Variants in WWOX observed in about 807,000 individuals in gnomAD.
WWOX encodes WW domain-containing oxidoreductase.
A neutral mutation model predicts 46.2 loss-of-function variants in WWOX; 69 were observed. The observed-to-expected ratio is 1.49, with a 90% CI of 1.23 to 1.82. WWOX has a LOEUF of 1.82. Ranked by LOEUF, WWOX falls within the 40% of genes most tolerant of loss-of-function variation. WWOX has a pLI of 0.00. For missense variants in WWOX, 919 were observed against 542.6 expected (o/e 1.69, Z -6.89); for synonymous variants, 359 against 202.6 (o/e 1.77, Z -6.56).
chr16:78,263,227 C>T (rs1036267372), intron 5 of WWOX, among the ~76,000 whole-genome samples: 1 of 152,168 alleles, frequency 6.6e-6, no homozygotes, highest in Admixed American at 6.5e-5. Context: ...GACTTCCTCT[C>T]AAAGAAATAA....
At chr16:78,848,429 A>C (rs60440984) in intron 8 of WWOX, among the ~76,000 whole-genome samples, 2,185 of 152,270 alleles carry the variant, frequency 0.014, 55 homozygotes, top group African/African-American at 0.05. Flanking sequence ...ACCACTGTTA[A>C]AATGTAAGGC....
chr16:78,314,701 G>GTTTTTTTT (rs920575863), intron 5 of WWOX, among the ~76,000 whole-genome samples: 16 of 61,304 alleles, frequency 2.6e-4, no homozygotes, highest in African/African-American at 4.5e-4. Flanking sequence ...TTTTTTTTTT[G>GTTTTTTTT]TTTTTTTTTT....
chr16:79,149,251 T>C (rs1314008610), intron 8 of WWOX, among the ~76,000 whole-genome samples: 6 of 152,218 alleles, frequency 3.9e-5, no homozygotes, highest in African/African-American at 1.4e-4. Flanking sequence ...TGATAATGGG[T>C]GTGTACTTTT....
At chr16:78,852,270 G>A (rs971020740) in intron 8 of WWOX, among the ~76,000 whole-genome samples, 1 of 152,166 alleles carries the variant, frequency 6.6e-6, no homozygotes, top group Non-Finnish European at 1.5e-5. Context: ...CTTCTACTCT[G>A]AACAGGATTG....
chr16:78,798,472 T>A (rs550384507), intron 8 of WWOX, among the ~76,000 whole-genome samples: 2 of 152,210 alleles, frequency 1.3e-5, no homozygotes, highest in South Asian at 4.1e-4. Context: ...TGTTATGTAC[T>A]CATGCCCCAG....
chr16:78,570,527 T>A (rs1371402218), intron 8 of WWOX, among the ~76,000 whole-genome samples: 1 of 152,076 alleles, frequency 6.6e-6, no homozygotes, highest in African/African-American at 2.4e-5. Context: ...TTGCTCAGGC[T>A]GGTCTCATAT....
rs545914618 is a variant in WWOX at position 79,205,980 on chromosome 16, A to C, written c.1057-5628A>C. On this transcript the variant is annotated intron_variant, in intron 8 of 8. Coordinates refer to ENST00000566780, the MANE Select transcript of WWOX (RefSeq NM_016373.4). ...AAAGAGTAGGTTTCTTAGTTCTGCA[A>C]ATCTGGCACCTGGAGATGGCATTTT... 10 of 152,310 alleles carry C rather than the reference A, an allele frequency of 6.6e-5. No individual in the cohort carries two copies. The South Asian group carries it at 1.7e-3, about 25-fold the overall frequency. 9.4% of individuals were successfully genotyped at this position (152,310 alleles called of 1,614,324 possible). A position where few individuals can be genotyped will look rare whatever the true frequency, so the allele number is the denominator to read the frequency against.
intron 8 of WWOX, among the ~76,000 whole-genome samples, chr16:78,880,815 G>C (rs1255267561): frequency 1.3e-5 from 2 of 152,118 alleles, no homozygotes; most frequent in Non-Finnish European, 2.9e-5. Context: ...CCCAACATGG[G>C]AGTATGTTTC....
At chr16:78,608,436 C>A (rs893547584) in intron 8 of WWOX, among the ~76,000 whole-genome samples, 2 of 152,238 alleles carry the variant, frequency 1.3e-5, no homozygotes, top group African/African-American at 4.8e-5. Context: ...GCTCTTGCCC[C>A]AGGCAGAGTG....
At chr16:78,234,039 A>T (rs746311481) in intron 5 of WWOX, among the ~76,000 whole-genome samples, 2 of 152,170 alleles carry the variant, frequency 1.3e-5, no homozygotes, top group Non-Finnish European at 2.9e-5. Flanking sequence ...ATAGGATGGC[A>T]GGTCGTGGGA....
chr16:78,787,423 G>T (rs2050484793), intron 8 of WWOX, among the ~76,000 whole-genome samples: 1 of 152,118 alleles, frequency 6.6e-6, no homozygotes, highest in Non-Finnish European at 1.5e-5. Flanking sequence ...CACACAATAT[G>T]TGGCCTTTTG....
At chr16:78,732,964 G>C (rs1387468053) in intron 8 of WWOX, among the ~76,000 whole-genome samples, 2 of 152,158 alleles carry the variant, frequency 1.3e-5, no homozygotes, top group South Asian at 2.1e-4. Context: ...CGAGTGGATG[G>C]CTCTTTATTT....
At chr16:79,072,289 C>T (rs556663077) in intron 8 of WWOX, among the ~76,000 whole-genome samples, 1 of 151,982 alleles carries the variant, frequency 6.6e-6, no homozygotes, top group Non-Finnish European at 1.5e-5. Flanking sequence ...GTCCCCCCAA[C>T]CCCCCAAAAA....
chr16:78,870,787 A>C (rs1039315960), intron 8 of WWOX, among the ~76,000 whole-genome samples: 4 of 152,182 alleles, frequency 2.6e-5, no homozygotes, highest in Non-Finnish European at 4.4e-5. Flanking sequence ...ATTTTAGTAG[A>C]GACGGGTTTT....
At chr16:79,195,213 G>A (rs1178143495) in intron 8 of WWOX, among the ~76,000 whole-genome samples, 1 of 152,114 alleles carries the variant, frequency 6.6e-6, no homozygotes, top group Non-Finnish European at 1.5e-5. Context: ...CTGCAACTGA[G>A]ATTGGCATGT....
At chr16:78,993,169 C>A (rs1168913723) in intron 8 of WWOX, among the ~76,000 whole-genome samples, 11 of 151,156 alleles carry the variant, frequency 7.3e-5, no homozygotes, top group Admixed American at 4.6e-4. Flanking sequence ...CAGAGAGATA[C>A]TGAGTTAACT....
rs143521127 is a variant in WWOX at position 78,754,512 on chromosome 16, C to T, written c.1056+321760C>T. ...TCCTCACCTTCCTGGATTTCCTGCT[C>T]TTAAGGTTTTTTGTTTTTGTTTTTC... On this transcript the variant is annotated intron_variant, in intron 8 of 8. Coordinates refer to ENST00000566780, the MANE Select transcript of WWOX (RefSeq NM_016373.4). Among the ~76,000 whole-genome samples the T allele has an allele frequency of 2.6e-4, 39 of 152,168 alleles. No individual in the cohort carries two copies. The East Asian group carries it at 7.5e-3, about 29-fold the overall frequency.
intron 8 of WWOX, among the ~76,000 whole-genome samples, chr16:79,122,268 AAAAAAG>A (rs1455637751): frequency 6.6e-6 from 1 of 152,156 alleles, no homozygotes; most frequent in East Asian, 1.9e-4. Context: ...AGGCTGAGCC[AAAAAAG>A]AAAAGGGAGG....
At chr16:78,906,682 G>A (rs1230553918) in intron 8 of WWOX, among the ~76,000 whole-genome samples, 1 of 152,212 alleles carries the variant, frequency 6.6e-6, no homozygotes, top group Non-Finnish European at 1.5e-5. Flanking sequence ...TTTTGTTGTG[G>A]TGTGGGAAGG....
Sources: gnomAD v4.1 joint callset for allele counts (sites outside exome capture counted in the v4.1 genomes callset) on GRCh38, gnomAD v4.1.1 for gene constraint, MANE v1.5 for transcripts, NCBI Gene and HGNC (gene_info 2026-07-23, HGNC 2026-07-21) for gene names.